SLC11A2: variants seen among roughly 807,000 people sequenced by gnomAD.
SLC11A2 encodes the protein solute carrier family 11 member 2, also known as natural resistance-associated macrophage protein 2.
SLC11A2 carries 38 observed loss-of-function variants against 68.0 expected under a neutral mutation model. The ratio of observed to expected loss-of-function variants is 0.56; its 90% CI spans 0.43 to 0.73. The LOEUF is 0.73. Ranked by LOEUF, SLC11A2 falls within the 30% of genes least tolerant of loss-of-function variation. The probability of loss-of-function intolerance (pLI) is 0.00; values close to 1 mark genes in which losing one functional copy is unlikely to be tolerated. For missense variants in SLC11A2, 517 were observed against 690.5 expected, an observed-to-expected ratio of 0.75 and a Z score of 2.82; for synonymous variants, 242 against 250.6, an observed-to-expected ratio of 0.97 and a Z score of 0.32.
chr12:51,000,779 A>G (rs1265154094), intron 5 of SLC11A2: 1 of 573,958 alleles, frequency 1.7e-6, no homozygotes, highest in Admixed American at 3.4e-5. Context: ...GGATGCTAAT[A>G]CGGTCCAAAT....
the SLC11A2 span, chr12:50,970,420 A>C: frequency 8.1e-7 from 1 of 1,230,106 alleles, no homozygotes; most frequent in East Asian, 2.5e-5. Flanking sequence ...TACTCAATTG[A>C]TATACATCCT....
chr12:50,970,560 TGAAG>T, the SLC11A2 span: 2 of 1,118,036 alleles, frequency 1.8e-6, no homozygotes, highest in Non-Finnish European at 2.6e-6. Context: ...CTATTTATTA[TGAAG>T]AATAAATTTT....
At chr12:50,960,478 G>T in the SLC11A2 span, among the ~76,000 whole-genome samples, 1 of 152,128 alleles carries the variant, frequency 6.6e-6, no homozygotes, top group East Asian at 1.9e-4. Flanking sequence ...TAATTTTTCT[G>T]GGAAGAGTCA....
At chr12:50,980,620 T>C (rs1939970708), downstream of SLC11A2, 1 of 152,260 alleles carries the variant, frequency 6.6e-6, no homozygotes, top group Non-Finnish European at 1.5e-5. Flanking sequence ...TGTGGACTAA[T>C]ATTCCAAATC....
rs71663850 is a variant in SLC11A2, at chr12:50,993,992, C to CAAAAAAAAAAAAA, written c.1077+539_1077+551dup. Among the ~76,000 whole-genome samples, 409 of 48,400 alleles carry CAAAAAAAAAAAAA rather than the reference C, an allele frequency of 8.5e-3. 10 individuals are homozygous for CAAAAAAAAAAAAA. The highest frequency in any genetic ancestry group is 0.026 in the South Asian group (20 of 784). The allele number at this position is 48,400 out of a possible 152,430, so 31.8% of individuals were successfully genotyped here. On this transcript the variant is annotated intron_variant, in intron 11 of 15. Transcript: ENST00000262052. ...GGGCAACAGAGCAAGACCTTGTCTCCAAAAAAAAAAAAAAAAAAAAAAAAA... is the reference window on the plus strand; with the variant it reads ...GGGCAACAGAGCAAGACCTTGTCTCCAAAAAAAAAAAAAAAAAAAAAAAAAAAAAAAAAAAAAA...
intron 8 of SLC11A2, 35 bp from the exon 9 acceptor site, chr12:50,997,007 G>A (rs1941761623): frequency 1.3e-6 from 2 of 1,592,066 alleles, no homozygotes; most frequent in Non-Finnish European, 1.7e-6. Context: ...AGCCTTTACA[G>A]GAACGTGAAA....
At position 50,990,899 on chromosome 12, in the gene SLC11A2, T is replaced by G. The variant is rs1348851332; in HGVS notation, c.1471A>C (p.Asn491His). ...GILVLIICSINMYFVVVYVRD... is the reference protein window; with the variant it reads ...GILVLIICSIHMYFVVVYVRD... ...ACATAAACCACTACAAAGTACATAT[T>G]GATGGAACAGATGATAAGGACCAAG... is the stretch of plus-strand genomic sequence containing the variant. Residue 491 changes from asparagine (N) to histidine (H), a missense_variant, in exon 15 of 16, where the codon AAT becomes CAT. Asn to His is a moderately conservative substitution (Grantham distance 68). Coordinates refer to ENST00000262052, the MANE Select transcript of SLC11A2 (RefSeq NM_000617.3). 6.2e-7 allele frequency: 1 copy of G among 1,613,800 alleles called. No homozygotes were observed. Among genetic ancestry groups the G allele is most frequent in the Non-Finnish European group, 8.5e-7 (1 of 1,179,912 alleles).
chr12:50,979,354 G>A (rs1265096558), downstream of SLC11A2: 3 of 158,892 alleles, frequency 1.9e-5, no homozygotes, highest in Non-Finnish European at 4.2e-5. Context: ...TTCAGGACTG[G>A]AAAAGAGCTA....
upstream of SLC11A2, among the ~76,000 whole-genome samples, chr12:51,027,076 T>A (rs1019656185): frequency 7.3e-5 from 11 of 151,692 alleles, no homozygotes; most frequent in Admixed American, 6.6e-4. Flanking sequence ...CTCGGGAGGC[T>A]GAGGCAAGAG....
At chr12:51,016,998 G>A (rs897930709) in intron 1 of SLC11A2, among the ~76,000 whole-genome samples, 2 of 151,782 alleles carry the variant, frequency 1.3e-5, no homozygotes, top group African/African-American at 4.8e-5. Flanking sequence ...GGGTGACAAA[G>A]CAAGACCCTG....
At chr12:51,027,216 T>A (rs1330538177), upstream of SLC11A2, among the ~76,000 whole-genome samples, 2 of 149,710 alleles carry the variant, frequency 1.3e-5, no homozygotes, top group Admixed American at 1.3e-4. Context: ...GGCGCCCGCC[T>A]GTGGTCCCAG....
At chr12:51,013,643 A>C (rs1444965569) in intron 1 of SLC11A2, among the ~76,000 whole-genome samples, 3 of 151,782 alleles carry the variant, frequency 2.0e-5, no homozygotes, top group Non-Finnish European at 4.4e-5. Context: ...GGGAGACTGA[A>C]CTAGGAGAAC....
chr12:50,982,372 A>T (rs370013549), downstream of SLC11A2, among the ~76,000 whole-genome samples: 22 of 151,980 alleles, frequency 1.4e-4, no homozygotes, highest in African/African-American at 4.8e-4. Context: ...ACGCCTGTAA[A>T]CCCAGCACTT....
In SLC11A2 at chr12:50,987,218, G is replaced by A. The variant is rs1376368035; in HGVS notation, c.*1107C>T. 3 of 1,287,008 alleles carry A rather than the reference G, an allele frequency of 2.3e-6. No individual in the cohort carries two copies. The highest frequency in any genetic ancestry group is 3.0e-6 in the Non-Finnish European group (3 of 988,630). The allele number at this position is 1,287,008 out of a possible 1,614,324, so 79.7% of individuals were successfully genotyped here. A position where few individuals can be genotyped will look rare whatever the true frequency, so the allele number is the denominator to read the frequency against. The stretch of plus-strand genomic sequence containing the variant: ...AGAGGTAGCCCAGTTCAACTTTGCT[G>A]AGACAGTGAACTTTGCAACCATACT... On this transcript the variant is annotated 3_prime_UTR_variant, in exon 16 of 16. Coordinates refer to ENST00000262052, the MANE Select transcript of SLC11A2 (RefSeq NM_000617.3).
intron 1 of SLC11A2, among the ~76,000 whole-genome samples, chr12:51,020,482 C>T (rs1257254870): frequency 6.6e-6 from 1 of 152,120 alleles, no homozygotes; most frequent in African/African-American, 2.4e-5. Flanking sequence ...ACTCTAATCC[C>T]CTCTACTCAA....
At chr12:50,963,221 T>C in the SLC11A2 span, among the ~76,000 whole-genome samples, 1 of 151,420 alleles carries the variant, frequency 6.6e-6, no homozygotes, top group Middle Eastern at 3.4e-3. Context: ...AATACAAAAA[T>C]TGGCTGGGAG....
chr12:51,027,914 AAGTGG>A (rs765251705), upstream of SLC11A2, among the ~76,000 whole-genome samples: 10 of 9,380 alleles, frequency 1.1e-3, no homozygotes, highest in Non-Finnish European at 3.5e-3. Flanking sequence ...GACCAAAAAA[AAGTGG>A]GGGGGGGGGG....
chr12:50,961,887 T>C, the SLC11A2 span, among the ~76,000 whole-genome samples: 2 of 152,172 alleles, frequency 1.3e-5, no homozygotes. Context: ...CTGTGAGCTG[T>C]AATGTGCTCC....
chr12:50,963,938 T>G, the SLC11A2 span, among the ~76,000 whole-genome samples: 5 of 152,180 alleles, frequency 3.3e-5, no homozygotes, highest in Non-Finnish European at 5.9e-5. Flanking sequence ...AGTGTCAAAA[T>G]CAGCCACCCC....
Sources: allele counts gnomAD v4.1 joint callset (sites outside exome capture counted in the v4.1 genomes callset), GRCh38; gene constraint gnomAD v4.1.1; transcripts MANE v1.5; gene names NCBI Gene and HGNC (gene_info 2026-07-23, HGNC 2026-07-21).